Variants in SNTG1 observed in about 807,000 individuals in gnomAD.
The protein encoded by SNTG1 is gamma-1-syntrophin.
In SNTG1, 39 loss-of-function variants were observed where a neutral mutation model predicts 74.7. That is an observed-to-expected ratio of 0.52 (90% CI 0.40 to 0.68). SNTG1 has a LOEUF of 0.68. Ranked by LOEUF, SNTG1 falls within the 30% of genes least tolerant of loss-of-function variation. The pLI, the probability that SNTG1 is intolerant of heterozygous loss-of-function variation, is 0.00. For synonymous variants in SNTG1, 254 were observed against 217.1 expected (o/e 1.17, Z -1.49); for missense variants, 685 against 609.5 (o/e 1.12, Z -1.30).
intron 2 of SNTG1, among the ~76,000 whole-genome samples, chr8:50,235,261 T>A (rs995707463): frequency 1.2e-4 from 19 of 152,030 alleles, no homozygotes; most frequent in African/African-American, 4.6e-4. Context: ...TACTACTCTG[T>A]CATAAAAGGA....
rs74444568 is a variant in SNTG1 at position 50,147,361 on chromosome 8, A to T, written c.-102-25200A>T. On this transcript the variant is annotated intron_variant, in intron 1 of 18. Coordinates refer to ENST00000642720, the MANE Select transcript of SNTG1 (RefSeq NM_018967.5). ...GGAGCTGACTTGAGAAACATCAGAA[A>T]AATAACTGTTTTGACTGGTAACTGT... Among the ~76,000 whole-genome samples the T allele has an allele frequency of 6.8e-3, 1,033 of 152,360 alleles. 4 individuals are homozygous for T. Among genetic ancestry groups the T allele is most frequent in the Non-Finnish European group, 0.012 (800 of 68,032 alleles).
At chr8:49,941,514 T>C (rs1280494008) in intron 1 of SNTG1, among the ~76,000 whole-genome samples, 1 of 147,934 alleles carries the variant, frequency 6.8e-6, no homozygotes, top group Non-Finnish European at 1.5e-5. Flanking sequence ...TTATATATTA[T>C]ATATTTACAT....
intron 12 of SNTG1, among the ~76,000 whole-genome samples, chr8:50,582,523 T>G (rs548586821): frequency 6.6e-6 from 1 of 152,218 alleles, no homozygotes; most frequent in Non-Finnish European, 1.5e-5. Context: ...TGTCACATTT[T>G]TAGTGTGTAT....
chr8:49,934,222 C>T (rs1167215400), intron 1 of SNTG1, among the ~76,000 whole-genome samples: 1 of 151,958 alleles, frequency 6.6e-6, no homozygotes, highest in Non-Finnish European at 1.5e-5. Flanking sequence ...CATACCTTTC[C>T]TTGCAGCAAG....
At chr8:49,970,355 T>C (rs1406598825) in intron 1 of SNTG1, among the ~76,000 whole-genome samples, 3 of 152,206 alleles carry the variant, frequency 2.0e-5, no homozygotes, top group Non-Finnish European at 4.4e-5. Context: ...ATGTACTTCC[T>C]GTTGTAGTTT....
intron 15 of SNTG1, among the ~76,000 whole-genome samples, chr8:50,695,678 G>T (rs989688861): frequency 2.6e-5 from 4 of 151,458 alleles, no homozygotes; most frequent in South Asian, 2.1e-4. Flanking sequence ...ATATGTCCAG[G>T]CTTACCCATT....
intron 1 of SNTG1, among the ~76,000 whole-genome samples, chr8:49,925,367 A>C (rs963741485): frequency 6.6e-6 from 1 of 152,204 alleles, no homozygotes; most frequent in Non-Finnish European, 1.5e-5. Context: ...TTGATATTAT[A>C]CAGTATTGAC....
At chr8:50,449,952 G>A (rs1023857297) in intron 6 of SNTG1, among the ~76,000 whole-genome samples, 6 of 152,134 alleles carry the variant, frequency 3.9e-5, no homozygotes, top group Admixed American at 1.3e-4. Flanking sequence ...AGGAACCCTT[G>A]AAAGCAGGTA....
At chr8:50,369,325 G>A (rs1039969654) in intron 2 of SNTG1, among the ~76,000 whole-genome samples, 2 of 152,156 alleles carry the variant, frequency 1.3e-5, no homozygotes, top group African/African-American at 2.4e-5. Context: ...GGCTGGGCAC[G>A]GTGGCTAACG....
intron 2 of SNTG1, among the ~76,000 whole-genome samples, chr8:50,303,150 A>G (rs1357656827): frequency 1.3e-5 from 2 of 152,184 alleles, no homozygotes; most frequent in Non-Finnish European, 2.9e-5. Flanking sequence ...TAGCATTTCT[A>G]TGGTCTCTAA....
intron 18 of SNTG1, among the ~76,000 whole-genome samples, chr8:50,791,483 G>T (rs149522910): frequency 2.6e-5 from 4 of 151,638 alleles, no homozygotes; most frequent in Admixed American, 6.6e-5. Context: ...ATGGGGTATC[G>T]TACTCCTGTT....
chr8:50,443,335 A>T (rs1270602341), intron 5 of SNTG1, among the ~76,000 whole-genome samples: 1 of 152,182 alleles, frequency 6.6e-6, no homozygotes, highest in Non-Finnish European at 1.5e-5. Flanking sequence ...AATATATTTT[A>T]TGCAGTATTT....
chr8:50,640,699 C>T (rs570320581), intron 13 of SNTG1, among the ~76,000 whole-genome samples: 1 of 152,250 alleles, frequency 6.6e-6, no homozygotes, highest in African/African-American at 2.4e-5. Context: ...TGAATGTTTC[C>T]TGGCCTTTCT....
At chr8:50,706,042 A>G (rs1237790624) in intron 16 of SNTG1, among the ~76,000 whole-genome samples, 2 of 152,200 alleles carry the variant, frequency 1.3e-5, no homozygotes, top group East Asian at 3.8e-4. Flanking sequence ...AACATGTTGA[A>G]CTGATTTCTA....
chr8:50,222,570 A>G (rs900823725), intron 2 of SNTG1, among the ~76,000 whole-genome samples: 2 of 152,178 alleles, frequency 1.3e-5, no homozygotes, highest in Non-Finnish European at 2.9e-5. Context: ...GTGCTACAGA[A>G]TACTAGAACA....
intron 1 of SNTG1, among the ~76,000 whole-genome samples, chr8:50,065,850 T>G (rs1563543261): frequency 6.6e-6 from 1 of 150,568 alleles, no homozygotes; most frequent in African/African-American, 2.4e-5. Flanking sequence ...TGTAGATATC[T>G]TCCTAGGATG....
chr8:50,609,625 C>T (rs943643843), intron 13 of SNTG1, among the ~76,000 whole-genome samples: 3 of 151,812 alleles, frequency 2.0e-5, no homozygotes, highest in Non-Finnish European at 2.9e-5. Context: ...GTTATTCTCC[C>T]TCTTCTCTCT....
At chr8:49,968,445 G>T (rs1244403546) in intron 1 of SNTG1, among the ~76,000 whole-genome samples, 4 of 151,894 alleles carry the variant, frequency 2.6e-5, no homozygotes, top group African/African-American at 9.7e-5. Context: ...TTGGCACAAT[G>T]TCTTGACATT....
intron 5 of SNTG1, among the ~76,000 whole-genome samples, chr8:50,443,025 G>T (rs918885035): frequency 2.6e-5 from 4 of 152,134 alleles, no homozygotes; most frequent in Admixed American, 6.5e-5. Context: ...ACCATGCAGA[G>T]ACTTGGCATT....
Sources: gnomAD v4.1 joint callset for allele counts (sites outside exome capture counted in the v4.1 genomes callset) on GRCh38, gnomAD v4.1.1 for gene constraint, MANE v1.5 for transcripts, NCBI Gene and HGNC (gene_info 2026-07-23, HGNC 2026-07-21) for gene names.